MCTP1: variants seen among roughly 807,000 people sequenced by gnomAD.
The protein encoded by MCTP1 is multiple C2 and transmembrane domain-containing protein 1.
MCTP1 carries 69 observed loss-of-function variants against 120.6 expected under a neutral mutation model. The observed-to-expected ratio is 0.57, with a 90% CI of 0.47 to 0.70. MCTP1 has a LOEUF of 0.70. MCTP1 is among the 30% of genes least tolerant of loss of function. The pLI, the probability that MCTP1 is intolerant of heterozygous loss-of-function variation, is 0.00. For synonymous variants in MCTP1, 529 were observed against 493.1 expected (o/e 1.07, Z -0.96); for missense variants, 1,203 against 1,248.8 (o/e 0.96, Z 0.55).
chr5:95,088,929 G>A (rs1056861355), intron 1 of MCTP1, among the ~76,000 whole-genome samples: 5 of 152,104 alleles, frequency 3.3e-5, no homozygotes, highest in African/African-American at 9.7e-5. Flanking sequence ...GTGAAACTCC[G>A]CACAATGTTC....
At chr5:94,881,183 TA>T (rs1799982539) in intron 12 of MCTP1, among the ~76,000 whole-genome samples, 1 of 152,140 alleles carries the variant, frequency 6.6e-6, no homozygotes, top group African/African-American at 2.4e-5. Context: ...GAGTTAATTT[TA>T]CTGCTGCAGA....
chr5:94,925,899 T>C (rs928803894), intron 6 of MCTP1, among the ~76,000 whole-genome samples: 2 of 152,184 alleles, frequency 1.3e-5, no homozygotes, highest in Admixed American at 6.5e-5. Context: ...TTTGTTTCTA[T>C]TTTTGCCTCT....
chr5:94,999,528 T>C (rs1054481887), intron 2 of MCTP1, among the ~76,000 whole-genome samples: 1 of 152,210 alleles, frequency 6.6e-6, no homozygotes, highest in South Asian at 2.1e-4. Context: ...CTGAGAACAG[T>C]GTCAGATATT....
chr5:94,944,101 G>C (rs1325467561), intron 3 of MCTP1, among the ~76,000 whole-genome samples: 1 of 151,734 alleles, frequency 6.6e-6, no homozygotes, highest in African/African-American at 2.4e-5. Context: ...AATTTAATAT[G>C]TAAAAAATTG....
chr5:94,894,867 C>CTTT (rs34628738), intron 10 of MCTP1, 32 bp from the exon 11 acceptor site: 27,607 of 985,926 alleles, frequency 0.028, 533 homozygotes, highest in African/African-American at 0.11. Flanking sequence ...CAGCAAGTGG[C>CTTT]TTTTTTTTTT....
At chr5:94,927,955 T>C (rs1813583102) in intron 6 of MCTP1, among the ~76,000 whole-genome samples, 1 of 152,096 alleles carries the variant, frequency 6.6e-6, no homozygotes, top group African/African-American at 2.4e-5. Context: ...TAAAAAAAGA[T>C]ATAAGCTGTC....
chr5:95,126,916 G>A (rs1000708926), intron 1 of MCTP1, among the ~76,000 whole-genome samples: 3 of 151,964 alleles, frequency 2.0e-5, no homozygotes, highest in Admixed American at 1.3e-4. Flanking sequence ...AGAAATCAAC[G>A]GAAACCACAA....
chr5:95,018,902 T>C (rs1837651555), intron 1 of MCTP1, among the ~76,000 whole-genome samples: 1 of 152,146 alleles, frequency 6.6e-6, no homozygotes, highest in African/African-American at 2.4e-5. Context: ...CTTACCCATC[T>C]GATTGTGGCC....
At chr5:94,709,833 A>G (rs926451913) in intron 21 of MCTP1, 2 of 152,140 alleles carry the variant, frequency 1.3e-5, no homozygotes, top group Admixed American at 6.6e-5. Flanking sequence ...CTTCCTCAAT[A>G]TATGGCAAGT....
chr5:95,149,745 C>T (rs1269464961), intron 1 of MCTP1, among the ~76,000 whole-genome samples: 1 of 152,200 alleles, frequency 6.6e-6, no homozygotes, highest in Admixed American at 6.5e-5. Context: ...GACTGTTGGG[C>T]TCCCTGCGGC....
intron 1 of MCTP1, among the ~76,000 whole-genome samples, chr5:95,200,044 G>A (rs760124738): frequency 6.6e-6 from 1 of 151,082 alleles, no homozygotes; most frequent in Admixed American, 6.6e-5. Flanking sequence ...GCCTGCAATC[G>A]CAGCTACTTG....
At chr5:95,133,741 C>T (rs979629026) in intron 1 of MCTP1, among the ~76,000 whole-genome samples, 1 of 152,206 alleles carries the variant, frequency 6.6e-6, no homozygotes, top group Admixed American at 6.5e-5. Flanking sequence ...CTGTACTGTA[C>T]TCACGTATTT....
At chr5:95,184,743 A>AT (rs752960580) in intron 1 of MCTP1, among the ~76,000 whole-genome samples, 1 of 152,206 alleles carries the variant, frequency 6.6e-6, no homozygotes, top group African/African-American at 2.4e-5. Context: ...TAACATCACT[A>AT]TTGTAAAACC....
chr5:95,140,597 G>A (rs1177203407), intron 1 of MCTP1, among the ~76,000 whole-genome samples: 2 of 148,386 alleles, frequency 1.3e-5, no homozygotes, highest in Admixed American at 6.9e-5. Flanking sequence ...GATGGCTCAC[G>A]CCTGTAATCC....
intron 1 of MCTP1, among the ~76,000 whole-genome samples, chr5:95,233,597 G>A (rs1755207853): frequency 6.6e-6 from 1 of 152,094 alleles, no homozygotes; most frequent in Admixed American, 6.5e-5. Flanking sequence ...CCAAAGTGCT[G>A]GGATTACAGG....
chr5:94,938,551 G>C (rs975638410), intron 5 of MCTP1, among the ~76,000 whole-genome samples: 7 of 151,780 alleles, frequency 4.6e-5, no homozygotes, highest in Non-Finnish European at 8.8e-5. Flanking sequence ...TTAACCCCTG[G>C]CTAGTAAAAA....
At chr5:95,130,262 A>G (rs1039606047) in intron 1 of MCTP1, among the ~76,000 whole-genome samples, 3 of 152,188 alleles carry the variant, frequency 2.0e-5, no homozygotes, top group African/African-American at 7.2e-5. Flanking sequence ...TGATTAATAC[A>G]GTAAGAAAAA....
intron 1 of MCTP1, among the ~76,000 whole-genome samples, chr5:95,118,674 A>G (rs185503992): frequency 1.3e-5 from 2 of 152,338 alleles, no homozygotes; most frequent in East Asian, 3.9e-4. Context: ...ACTGAAAGTA[A>G]AGGGGTGGAG....
In MCTP1 at chr5:94,977,510, T is replaced by A. The variant is rs527684819; in HGVS notation, c.839-24149A>T. Among the ~76,000 whole-genome samples, 51 of 151,462 alleles carry A rather than the reference T, an allele frequency of 3.4e-4. 1 individual carries two copies. The South Asian group carries it at 9.4e-3, about 28-fold the overall frequency. On this transcript the variant is annotated intron_variant, in intron 2 of 22. Coordinates refer to ENST00000515393, the MANE Select transcript of MCTP1 (RefSeq NM_024717.7). ...TGGAACCACAGATGACCCCGAATAG[T>A]CAAAAAAAATCTTGAGAAAGAAAAA...
Sources: allele counts gnomAD v4.1 joint callset (sites outside exome capture counted in the v4.1 genomes callset), GRCh38; gene constraint gnomAD v4.1.1; transcripts MANE v1.5; gene names NCBI Gene and HGNC (gene_info 2026-07-23, HGNC 2026-07-21).